The following C18orf54 variants were observed in gnomAD, a reference collection of about 807,000 sequenced individuals.
C18orf54 encodes lung adenoma susceptibility protein 2.
In C18orf54, 49 loss-of-function variants were observed where a neutral mutation model predicts 49.3. The observed-to-expected ratio is 0.99, with a 90% CI of 0.79 to 1.26. The LOEUF (loss-of-function observed/expected upper bound fraction) is 1.26. C18orf54 is among the 50% of genes most tolerant of loss of function. The pLI, the probability that C18orf54 is intolerant of heterozygous loss-of-function variation, is 0.00. For missense variants in C18orf54, 687 were observed against 620.6 expected, an observed-to-expected ratio of 1.11 and a Z score of -1.14; for synonymous variants, 211 against 216.6, an observed-to-expected ratio of 0.97 and a Z score of 0.23.
At chr18:54,358,740 A>G (rs1240953044) in intron 1 of C18orf54, 34 bp from the exon 2 acceptor site, 2 of 152,242 alleles carry the variant, frequency 1.3e-5, no homozygotes, top group African/African-American at 4.8e-5. Flanking sequence ...CCCATTGGCT[A>G]TTTAACACTG....
chr18:54,369,012 G>C (rs1328278078), intron 6 of C18orf54, among the ~76,000 whole-genome samples: 1 of 152,022 alleles, frequency 6.6e-6, no homozygotes, highest in Non-Finnish European at 1.5e-5. Flanking sequence ...ATTTCTTTGA[G>C]GAGCCATGGT....
chr18:54,377,245 C>T (rs368254898), intron 8 of C18orf54, among the ~76,000 whole-genome samples: 1 of 151,980 alleles, frequency 6.6e-6, no homozygotes, highest in Admixed American at 6.6e-5. Flanking sequence ...CCATGTTGGC[C>T]GGGCTGGTCT....
At chr18:54,369,528 G>A (rs573576540) in intron 6 of C18orf54, among the ~76,000 whole-genome samples, 1 of 134,532 alleles carries the variant, frequency 7.4e-6, no homozygotes, top group East Asian at 2.3e-4. Flanking sequence ...GGAGCGCAGT[G>A]GCACAATCTC....
rs535870012 is a variant in C18orf54, at chr18:54,380,341, A to G, written c.*2095A>G. ...GCATTGTGAATGTAAAATTTTTATCAATCCTTTGCTCTCTTTTAGACATAT... is the reference window on the plus strand; with the variant it reads ...GCATTGTGAATGTAAAATTTTTATCGATCCTTTGCTCTCTTTTAGACATAT... On this transcript the variant is annotated 3_prime_UTR_variant, in exon 9 of 9. Transcript: ENST00000620105. The G allele has an allele frequency of 2.0e-5, 3 of 150,412 alleles. No homozygotes were observed. The highest frequency in any genetic ancestry group is 7.3e-5 in the African/African-American group (3 of 41,098). The allele number at this position is 150,412 out of a possible 1,614,324, so 9.3% of individuals were successfully genotyped here.
chr18:54,369,466 CTTTTTT>C (rs140753589), intron 6 of C18orf54, among the ~76,000 whole-genome samples: 2 of 89,164 alleles, frequency 2.2e-5, no homozygotes, highest in East Asian at 7.4e-4. Flanking sequence ...TTGTATATTG[CTTTTTT>C]TTTTTTTTTT....
At chr18:54,358,508 T>C (rs1250155514) in intron 1 of C18orf54, 1 of 152,278 alleles carries the variant, frequency 6.6e-6, no homozygotes, top group African/African-American at 2.4e-5. Context: ...TGACGGGCGG[T>C]GGAACACCAA....
At chr18:54,371,773 T>A (rs187262827) in intron 6 of C18orf54, among the ~76,000 whole-genome samples, 49 of 152,228 alleles carry the variant, frequency 3.2e-4, no homozygotes, top group Admixed American at 2.9e-3. Flanking sequence ...ATTACAGACA[T>A]CTGTACAGTC....
At chr18:54,366,051 T>G (rs1380892589) in intron 6 of C18orf54, among the ~76,000 whole-genome samples, 2 of 151,828 alleles carry the variant, frequency 1.3e-5, no homozygotes, top group Non-Finnish European at 3.0e-5. Context: ...GGTGATGGGA[T>G]ACACTGTGAA....
Position 54,362,376 on chromosome 18 carries a change from C to T in C18orf54, c.1017C>T (p.Ser339=). The stretch of plus-strand genomic sequence containing the variant: ...AATACAAATGTGATTTTGAACATAG[C>T]CAGTGTCAATGTGAGAATCCACTTC... ...VNEYKCDFEH[S]QCQCENPLLP... The change falls in exon 4 of 9, where the codon AGC becomes AGT. Residue 339 remains serine, a synonymous_variant. Transcript: ENST00000620105. 1 of 1,534,358 alleles carries T rather than the reference C, an allele frequency of 6.5e-7. No homozygotes were observed. Among genetic ancestry groups the T allele is most frequent in the Non-Finnish European group, 8.7e-7 (1 of 1,145,868 alleles).
Position 54,378,850 on chromosome 18 carries a change from A to G in C18orf54, c.*604A>G, listed in dbSNP as rs2089619471. On this transcript the variant is annotated 3_prime_UTR_variant, in exon 9 of 9. Transcript: ENST00000620105. ...AAAGGAATGTTGTGTTGTGACATTC[A>G]AGAGAACCTCCTCATTTAATTAGTA... The G allele has an allele frequency of 6.6e-6, 1 of 152,158 alleles. No homozygotes were observed. Among genetic ancestry groups the G allele is most frequent in the Non-Finnish European group, 1.5e-5 (1 of 67,978 alleles). The allele number at this position is 152,158 out of a possible 1,614,324, so 9.4% of individuals were successfully genotyped here. A position where few individuals can be genotyped will look rare whatever the true frequency, so the allele number is the denominator to read the frequency against.
At chr18:54,372,693 G>A in intron 7 of C18orf54, 96 bp downstream of exon 7, 1 of 1,160,416 alleles carries the variant, frequency 8.6e-7, no homozygotes, top group Non-Finnish European at 1.2e-6. Flanking sequence ...TTTTATGTTA[G>A]TAAGCATGCC....
intron 6 of C18orf54, among the ~76,000 whole-genome samples, 164 bp downstream of exon 6, chr18:54,365,985 A>G (rs368495601): frequency 1.5e-4 from 23 of 151,678 alleles, no homozygotes; most frequent in African/African-American, 4.3e-4. Context: ...TATTTTTTAT[A>G]ATATTTTAAA....
Position 54,381,615 on chromosome 18 carries a change from A to G in C18orf54, c.*3369A>G, listed in dbSNP as rs780200997. 1 of 152,164 alleles carries G rather than the reference A, an allele frequency of 6.6e-6. No homozygotes were observed. The highest frequency in any genetic ancestry group is 2.1e-4 in the South Asian group (1 of 4,832). The allele number at this position is 152,164 out of a possible 1,614,324, so 9.4% of individuals were successfully genotyped here. On this transcript the variant is annotated 3_prime_UTR_variant, in exon 9 of 9. Transcript: ENST00000620105. ...GTCATCTTTGTGCATATTATTTCTC[A>G]TGCATGAAATACTCAATTTTTATTC...
At chr18:54,365,574 A>G in intron 5 of C18orf54, 145 bp from the exon 6 acceptor site, 2 of 469,756 alleles carry the variant, frequency 4.3e-6, no homozygotes, top group Non-Finnish European at 7.7e-6. Context: ...GGGAATTACC[A>G]TACAACATTA....
chr18:54,375,723 C>T (rs1367217687), intron 8 of C18orf54, among the ~76,000 whole-genome samples: 5 of 151,794 alleles, frequency 3.3e-5, no homozygotes, highest in Non-Finnish European at 7.4e-5. Flanking sequence ...CTACTATAAG[C>T]AATCAATAGT....
In C18orf54 at chr18:54,362,771, G is replaced by T; in HGVS notation, c.1073G>T (p.Gly358Val). ...LPGQSTKPFSGDKIELLILKA... is the reference protein window; with the variant it reads ...LPGQSTKPFSVDKIELLILKA... ...ATTAATAGTCATCTTTTACAATTAGGTGACAAAATTGAATTGCTTATCTTG... is the reference window on the plus strand; with the variant it reads ...ATTAATAGTCATCTTTTACAATTAGTTGACAAAATTGAATTGCTTATCTTG... Residue 358 changes from glycine to valine, a missense_variant and splice_region_variant, in exon 5 of 9, where the codon GGT becomes GTT. Physicochemically the swap from Gly to Val is moderately radical, Grantham distance 109 (BLOSUM62 -3). Transcript: ENST00000620105. 1 of 1,601,500 alleles carries T rather than the reference G, an allele frequency of 6.2e-7. No individual in the cohort carries two copies. The highest frequency in any genetic ancestry group is 8.5e-7 in the Non-Finnish European group (1 of 1,177,002).
At chr18:54,363,015 A>G in intron 5 of C18orf54, 94 bp downstream of exon 5, 2 of 1,197,886 alleles carry the variant, frequency 1.7e-6, no homozygotes, top group East Asian at 2.4e-5. Flanking sequence ...GTAATTAATA[A>G]TATTGTAACT....
chr18:54,373,309 CAA>C (rs1491202277), intron 7 of C18orf54, among the ~76,000 whole-genome samples: 1 of 151,614 alleles, frequency 6.6e-6, no homozygotes, highest in Non-Finnish European at 1.5e-5. Context: ...TTTTAATTGA[CAA>C]TATATATATA....
At chr18:54,377,938 T>C (rs1447797586) in intron 8 of C18orf54, among the ~76,000 whole-genome samples, 1 of 152,196 alleles carries the variant, frequency 6.6e-6, no homozygotes, top group Non-Finnish European at 1.5e-5. Flanking sequence ...AAAAAGTTAA[T>C]GTCAAAAAAT....
Sources: allele counts gnomAD v4.1 joint callset (sites outside exome capture counted in the v4.1 genomes callset), GRCh38; gene constraint gnomAD v4.1.1; transcripts MANE v1.5; gene names NCBI Gene and HGNC (gene_info 2026-07-23, HGNC 2026-07-21).